The following MTMR3 variants were observed in gnomAD, a reference collection of about 807,000 sequenced individuals.
MTMR3 encodes phosphatidylinositol-3,5-bisphosphate 3-phosphatase MTMR3.
MTMR3 carries 32 observed loss-of-function variants against 132.4 expected under a neutral mutation model. The observed-to-expected ratio is 0.24, with a 90% CI of 0.18 to 0.32. The LOEUF (loss-of-function observed/expected upper bound fraction) is 0.32, where lower values mean the gene tolerates loss of function less well. MTMR3 is among the 10% of genes least tolerant of loss of function. The pLI, the probability that MTMR3 is intolerant of heterozygous loss-of-function variation, is 1.00. For missense variants in MTMR3, 1,216 were observed against 1,489.6 expected (o/e 0.82, Z 3.02); for synonymous variants, 556 against 550.3 (o/e 1.01, Z -0.14).
intron 1 of MTMR3, among the ~76,000 whole-genome samples, chr22:29,885,773 A>C (rs562456972): frequency 6.6e-6 from 1 of 152,294 alleles, no homozygotes; most frequent in South Asian, 2.1e-4. Flanking sequence ...AGGAGTGGTA[A>C]AGTCAGTTTA....
At chr22:29,953,293 CT>C (rs1263865688) in intron 1 of MTMR3, among the ~76,000 whole-genome samples, 2 of 152,182 alleles carry the variant, frequency 1.3e-5, no homozygotes, top group Non-Finnish European at 2.9e-5. Flanking sequence ...TGGCCAGAGC[CT>C]CTTAGTTTTC....
rs746190430 is a variant in MTMR3, at chr22:30,025,742, C to G, written c.3538C>G (p.Pro1180Ala). Residue 1180 changes from proline to alanine, a missense_variant, in exon 20 of 20, where the codon CCC (proline) becomes GCC (alanine). Physicochemically the swap from Pro to Ala is conservative, Grantham distance 27 (BLOSUM62 -1). This residue lies in a region of MTMR3 where 852 missense variants were observed against 852.0 expected (regional missense o/e 1.00). Coordinates refer to ENST00000401950, the MANE Select transcript of MTMR3 (RefSeq NM_021090.4). ...CAAGTCTTGCTATAGCAGCCTACATCCCACAAGCTCCAGCATTGACCTTGA... is the reference window on the plus strand; with the variant it reads ...CAAGTCTTGCTATAGCAGCCTACATGCCACAAGCTCCAGCATTGACCTTGA... ...VCKSCYSSLH[P>A]TSSSIDLELD... The G allele has an allele frequency of 1.2e-6, 2 of 1,614,202 alleles. No individual in the cohort carries two copies. The highest frequency in any genetic ancestry group is 1.7e-6 in the Non-Finnish European group (2 of 1,180,032).
chr22:29,890,253 A>G (rs1247498533), intron 1 of MTMR3, among the ~76,000 whole-genome samples: 3 of 151,758 alleles, frequency 2.0e-5, no homozygotes, highest in Non-Finnish European at 2.9e-5. Context: ...GTGGTGGCTC[A>G]TGCATGTAAT....
At chr22:29,950,907 C>G (rs534021744) in intron 1 of MTMR3, among the ~76,000 whole-genome samples, 1 of 152,258 alleles carries the variant, frequency 6.6e-6, no homozygotes, top group South Asian at 2.1e-4. Flanking sequence ...AATCCTAGCA[C>G]GTTGGGAGGC....
intron 1 of MTMR3, among the ~76,000 whole-genome samples, chr22:29,895,861 A>G (rs1277582469): frequency 2.6e-5 from 4 of 152,216 alleles, no homozygotes; most frequent in Non-Finnish European, 4.4e-5. Context: ...TTAGCTGGTC[A>G]TCACTGTTGT....
At chr22:29,998,913 G>T in intron 8 of MTMR3, 56 bp downstream of exon 8, 3 of 1,159,584 alleles carry the variant, frequency 2.6e-6, no homozygotes, top group South Asian at 1.5e-5. Flanking sequence ...TGCAGAAACC[G>T]CAATTCTCAT....
intron 1 of MTMR3, among the ~76,000 whole-genome samples, chr22:29,935,371 C>G (rs2065728280): frequency 6.6e-6 from 1 of 152,162 alleles, no homozygotes; most frequent in African/African-American, 2.4e-5. Flanking sequence ...TACAGAACTA[C>G]TAGATGCCTG....
intron 1 of MTMR3, among the ~76,000 whole-genome samples, chr22:29,912,321 G>C (rs1048945509): frequency 6.6e-6 from 1 of 152,026 alleles, no homozygotes; most frequent in African/African-American, 2.4e-5. Context: ...ACAAAGTCTC[G>C]CTTTGTCACC....
At chr22:29,969,073 C>T (rs956244252) in intron 2 of MTMR3, among the ~76,000 whole-genome samples, 8 of 152,202 alleles carry the variant, frequency 5.3e-5, no homozygotes, top group Non-Finnish European at 8.8e-5. Flanking sequence ...TCTCTAGGCT[C>T]CATCTTCTTG....
chr22:30,007,666 TG>T, intron 10 of MTMR3: 1 of 574,028 alleles, frequency 1.7e-6, no homozygotes, highest in Non-Finnish European at 3.1e-6. Context: ...GAGACTGGGC[TG>T]TGTGAACCCC....
At chr22:29,932,413 A>T (rs1191923257) in intron 1 of MTMR3, among the ~76,000 whole-genome samples, 1 of 152,184 alleles carries the variant, frequency 6.6e-6, no homozygotes, top group African/African-American at 2.4e-5. Context: ...TCTTTTCAAA[A>T]TGTTCCTTTT....
intron 1 of MTMR3, among the ~76,000 whole-genome samples, chr22:29,898,344 G>T (rs1210104102): frequency 6.6e-6 from 1 of 152,070 alleles, no homozygotes; most frequent in Non-Finnish European, 1.5e-5. Context: ...TGGGTATATT[G>T]CATGAGGTTT....
At chr22:29,932,743 C>T (rs753403969) in intron 1 of MTMR3, among the ~76,000 whole-genome samples, 1 of 152,034 alleles carries the variant, frequency 6.6e-6, no homozygotes, top group African/African-American at 2.4e-5. Context: ...TGTCATAGTT[C>T]AGATTTTAAA....
At chr22:29,986,295 A>C (rs1271594747) in intron 5 of MTMR3, 1 of 152,392 alleles carries the variant, frequency 6.6e-6, no homozygotes, top group African/African-American at 2.4e-5. Context: ...ACGGCTCTTA[A>C]TTGCCAGTCT....
chr22:29,894,249 A>G (rs1445035124), intron 1 of MTMR3, among the ~76,000 whole-genome samples: 2 of 152,160 alleles, frequency 1.3e-5, no homozygotes, highest in Non-Finnish European at 2.9e-5. Context: ...CCAGTTCCTA[A>G]GAGGAGTGGC....
At chr22:29,993,517 C>G (rs2067004202) in intron 7 of MTMR3, 1 of 152,186 alleles carries the variant, frequency 6.6e-6, no homozygotes, top group South Asian at 2.1e-4. Flanking sequence ...TTGTTTAAGA[C>G]CCCTGACTCC....
Position 29,978,946 on chromosome 22 carries a change from T to A in MTMR3, c.104T>A (p.Leu35His). ...TCTTTCATTTCGAAGGTTCCTTTCC[T>A]TGAACTTCATGGAGAGAGCACAGAG... The part of the protein sequence containing the change: ...REDENLQVPF[L>H]ELHGESTEFV... Residue 35 changes from leucine to histidine, a missense_variant, in exon 5 of 20, where the codon CTT becomes CAT. By Grantham distance (99) the Leu-to-His change is moderately conservative. This residue lies in a region of MTMR3 where 81 missense variants were observed against 87.7 expected (regional missense o/e 0.92). Transcript: ENST00000401950. 1 of 1,613,050 alleles carries A rather than the reference T, an allele frequency of 6.2e-7. No individual in the cohort carries two copies. Among genetic ancestry groups the A allele is most frequent in the East Asian group, 2.2e-5 (1 of 44,858 alleles).
intron 1 of MTMR3, among the ~76,000 whole-genome samples, chr22:29,938,733 C>T (rs1202943374): frequency 6.6e-6 from 1 of 152,140 alleles, no homozygotes; most frequent in Non-Finnish European, 1.5e-5. Flanking sequence ...TTCTTCTTTT[C>T]CATAGAATGT....
chr22:29,943,548 GT>G (rs1223983859), intron 1 of MTMR3, among the ~76,000 whole-genome samples: 1 of 152,090 alleles, frequency 6.6e-6, no homozygotes, highest in Non-Finnish European at 1.5e-5. Context: ...AAGTTTATAA[GT>G]TCATAGAAAT....
Sources: gnomAD v4.1 joint callset for allele counts (sites outside exome capture counted in the v4.1 genomes callset) on GRCh38, gnomAD v4.1.1 for gene constraint, gnomAD v4.1.1 regional missense constraint, MANE v1.5 for transcripts, NCBI Gene and HGNC (gene_info 2026-07-23, HGNC 2026-07-21) for gene names.